Variants in NAV2 observed in about 807,000 individuals in gnomAD.
NAV2 encodes the protein helicase, APC down-regulated 1.
Under a neutral mutation model 223.2 loss-of-function variants are expected in NAV2, and 54 were observed. That is an observed-to-expected ratio of 0.24 (90% CI 0.19 to 0.30). The LOEUF (loss-of-function observed/expected upper bound fraction) is 0.30. Among genes scored for constraint, NAV2 ranks in the 10% least tolerant of loss-of-function variants. The pLI, the probability that NAV2 is intolerant of heterozygous loss-of-function variation, is 1.00. For synonymous variants in NAV2, 1,279 were observed against 1,239.3 expected, an observed-to-expected ratio of 1.03 and a Z score of -0.67; for missense variants, 2,806 against 3,147.5, an observed-to-expected ratio of 0.89 and a Z score of 2.60.
upstream of NAV2, among the ~76,000 whole-genome samples, chr11:19,709,769 G>A (rs1039128873): frequency 1.3e-5 from 2 of 151,880 alleles, no homozygotes; most frequent in African/African-American, 4.8e-5. Context: ...TCCAGCCTGG[G>A]AAATTAGAGC....
intron 19 of NAV2, among the ~76,000 whole-genome samples, chr11:20,056,995 A>G (rs550072455): frequency 2.0e-4 from 31 of 152,300 alleles, no homozygotes; most frequent in African/African-American, 7.2e-4. Context: ...TTCAGCATTG[A>G]CTTCCTGGCA....
chr11:20,112,792 G>A lies in NAV2; in HGVS notation c.6961-1800G>A, dbSNP rs374567150. On this transcript the variant is annotated intron_variant, in intron 36 of 37. Coordinates refer to ENST00000349880, the MANE Select transcript of NAV2 (RefSeq NM_145117.5). ...CAGCGGGCTCTGCTCTTCAGGCCTT[G>A]ATTGGCCCATCTGGTAAATGAGGGG... is the stretch of plus-strand genomic sequence containing the variant. Among the ~76,000 whole-genome samples the A allele has an allele frequency of 8.5e-5, 13 of 152,242 alleles. No homozygotes were observed. The East Asian group carries it at 1.9e-3, about 23-fold the overall frequency.
At position 19,713,072 on chromosome 11, in the gene NAV2, G is replaced by A. The variant is rs2049983021; in HGVS notation, c.-624G>A. ...ACTGTCACCCCAAGAGAGACCTTTC[G>A]GGGGCTCTTGCCGCACCTCTGCTGC... is the stretch of plus-strand genomic sequence containing the variant. On this transcript the variant is annotated 5_prime_UTR_variant, in exon 1 of 38. Transcript: ENST00000349880. This position sits in a 1 kb window ranked among gnomAD's most constrained non-coding sequence, Gnocchi z 7.2. Among the ~76,000 whole-genome samples the A allele has an allele frequency of 6.6e-6, 1 of 152,112 alleles. No homozygotes were observed. Among genetic ancestry groups the A allele is most frequent in the Non-Finnish European group, 1.5e-5 (1 of 68,016 alleles).
chr11:19,644,571 G>T (rs2135587137), intron 1 of NAV2, among the ~76,000 whole-genome samples: 1 of 152,334 alleles, frequency 6.6e-6, no homozygotes, highest in South Asian at 2.1e-4. Flanking sequence ...TTGCTTTGAG[G>T]ATCCCTCAGC....
In NAV2 at chr11:19,700,195, A is replaced by G. The variant is rs1447174402; in HGVS notation, c.76-132289A>G. The stretch of plus-strand genomic sequence containing the variant: ...CTGGTTTAGTGTTTTACCTATATTC[A>G]TTTAATCATTCCAACAACCCTATGA... On this transcript the variant is annotated intron_variant, in intron 1 of 37. Coordinates refer to the NAV2 transcript ENST00000360655. Among the ~76,000 whole-genome samples, 10 of 152,228 alleles carry G rather than the reference A, an allele frequency of 6.6e-5. No individual in the cohort carries two copies. The South Asian group carries it at 2.1e-3, about 31-fold the overall frequency.
chr11:20,111,429 A>G (rs2153720702), intron 36 of NAV2, among the ~76,000 whole-genome samples: 1 of 152,338 alleles, frequency 6.6e-6, no homozygotes, highest in South Asian at 2.1e-4. Flanking sequence ...TGCTTACCAC[A>G]GTACTTACCC....
chr11:19,921,564 G>A (rs953692567), intron 6 of NAV2, among the ~76,000 whole-genome samples: 1 of 152,252 alleles, frequency 6.6e-6, no homozygotes, highest in African/African-American at 2.4e-5. Context: ...TCTAAAAGCT[G>A]TTGACAGAAG....
At chr11:20,071,781 G>A (rs2059421403) in intron 22 of NAV2, among the ~76,000 whole-genome samples, 1 of 152,108 alleles carries the variant, frequency 6.6e-6, no homozygotes, top group African/African-American at 2.4e-5. Context: ...ATGGGTGGGT[G>A]GGTGTTTTTT....
Position 19,680,463 on chromosome 11 carries a change from C to T in NAV2, c.76-152021C>T, listed in dbSNP as rs558771246. Among the ~76,000 whole-genome samples, 84 of 152,268 alleles carry T rather than the reference C, an allele frequency of 5.5e-4. 1 individual carries two copies. The highest frequency in any genetic ancestry group is 1.9e-3 in the African/African-American group (81 of 41,554). On this transcript the variant is annotated intron_variant, in intron 1 of 37. Transcript: ENST00000360655. ...CAGTTTTTAAATATCAACCACCCAG[C>T]CAGGCCAGTAGGGCTGAATGAGTGC...
chr11:19,393,305 A>G (rs1849318319), intron 1 of NAV2, among the ~76,000 whole-genome samples: 1 of 152,256 alleles, frequency 6.6e-6, no homozygotes, highest in South Asian at 2.1e-4. Context: ...TAAAGGTGCC[A>G]GACAGGCCTA....
Position 19,943,842 on chromosome 11 carries a change from A to G in NAV2, c.2147-2559A>G, listed in dbSNP as rs570888206. Among the ~76,000 whole-genome samples the G allele has an allele frequency of 2.7e-3, 412 of 152,264 alleles. 1 individual carries two copies. The highest frequency in any genetic ancestry group is 9.6e-3 in the African/African-American group (397 of 41,550). Reference sequence around the variant, plus strand: ...AAAATTACTCTGAGGGAGAAAATATATAATTCTATTAATTATTATTGTAGT... The same window carrying G: ...AAAATTACTCTGAGGGAGAAAATATGTAATTCTATTAATTATTATTGTAGT... On this transcript the variant is annotated intron_variant, in intron 8 of 37. Coordinates refer to ENST00000349880, the MANE Select transcript of NAV2 (RefSeq NM_145117.5).
At chr11:19,995,665 T>A (rs1028584223) in intron 11 of NAV2, among the ~76,000 whole-genome samples, 4 of 151,986 alleles carry the variant, frequency 2.6e-5, no homozygotes, top group African/African-American at 9.7e-5. Context: ...AGTGGTGGGG[T>A]CTTGGACTTT....
chr11:19,966,438 T>G (rs1300500468), intron 10 of NAV2, among the ~76,000 whole-genome samples: 1 of 152,168 alleles, frequency 6.6e-6, no homozygotes, highest in Non-Finnish European at 1.5e-5. Flanking sequence ...CCTTTTGCAT[T>G]TGAGAAGCTA....
In NAV2 at chr11:19,986,813, G is replaced by A. The variant is rs555648463; in HGVS notation, c.2768+2566G>A. Among the ~76,000 whole-genome samples the A allele has an allele frequency of 1.3e-4, 20 of 152,278 alleles. No individual in the cohort carries two copies. The South Asian group carries it at 3.9e-3, about 30-fold the overall frequency. ...ATGCTAAATTTTTATAACTTCCAAA[G>A]TTATTATGAGCTGACCATAGTAATA... On this transcript the variant is annotated intron_variant, in intron 11 of 37. Transcript: ENST00000349880.
At chr11:19,892,791 C>G (rs1235742629) in intron 6 of NAV2, among the ~76,000 whole-genome samples, 197 bp downstream of exon 6, 2 of 152,158 alleles carry the variant, frequency 1.3e-5, no homozygotes, top group Admixed American at 6.5e-5. Flanking sequence ...GTTATAGTCA[C>G]TAGCAAAAAT....
chr11:19,988,828 G>A (rs1260751365), intron 11 of NAV2, among the ~76,000 whole-genome samples: 1 of 152,192 alleles, frequency 6.6e-6, no homozygotes, highest in Non-Finnish European at 1.5e-5. Flanking sequence ...CAAGAGCCCA[G>A]GACACTGCTT....
At chr11:19,552,301 G>A (rs573541092) in intron 1 of NAV2, among the ~76,000 whole-genome samples, 12 of 152,230 alleles carry the variant, frequency 7.9e-5, no homozygotes, top group Non-Finnish European at 1.5e-4. Context: ...CAGAGGGGAG[G>A]CGTGTGAGGC....
At chr11:19,712,065 CA>C (rs1364433705), upstream of NAV2, 1 of 152,242 alleles carries the variant, frequency 6.6e-6, no homozygotes, top group Non-Finnish European at 1.5e-5. Flanking sequence ...GCAACCCAAA[CA>C]GCGAATTCGA....
intron 3 of NAV2, among the ~76,000 whole-genome samples, chr11:19,847,982 CA>C (rs1271207078): frequency 6.6e-6 from 1 of 152,216 alleles, no homozygotes; most frequent in Non-Finnish European, 1.5e-5. Context: ...CTCTCCTCCC[CA>C]AATTGCACTT....
Sources: allele counts gnomAD v4.1 joint callset (sites outside exome capture counted in the v4.1 genomes callset), GRCh38; gene constraint gnomAD v4.1.1; non-coding constraint Gnocchi (gnomAD v3.1); transcripts MANE v1.5; gene names NCBI Gene and HGNC (gene_info 2026-07-23, HGNC 2026-07-21).